Variants in SLC14A2 observed in about 807,000 individuals in gnomAD.
The protein encoded by SLC14A2 is solute carrier family 14 member 2, also known as urea transporter 2.
Under a neutral mutation model 104.6 loss-of-function variants are expected in SLC14A2, and 91 were observed. The observed-to-expected ratio is 0.87, with a 90% CI of 0.73 to 1.04. SLC14A2 has a LOEUF of 1.04. Among genes scored for constraint, SLC14A2 ranks in the 50% least tolerant of loss-of-function variants. The pLI is 0.00. For synonymous variants in SLC14A2, 476 were observed against 466.4 expected (o/e 1.02, Z -0.27); for missense variants, 1,189 against 1,156.0 (o/e 1.03, Z -0.41).
intron 1 of SLC14A2, among the ~76,000 whole-genome samples, chr18:45,346,206 A>C (rs1021132570): frequency 6.6e-6 from 1 of 151,936 alleles, no homozygotes; most frequent in African/African-American, 2.4e-5. Context: ...CCTAGGCTGG[A>C]GTACAGTGGC....
intron 1 of SLC14A2, among the ~76,000 whole-genome samples, chr18:45,300,915 G>A (rs1599656265): frequency 6.6e-6 from 1 of 152,188 alleles, no homozygotes; most frequent in South Asian, 2.1e-4. Context: ...TGATAAAGGA[G>A]GCAGATGTGT....
At chr18:45,482,848 T>C (rs191642676) in intron 1 of SLC14A2, among the ~76,000 whole-genome samples, 2 of 152,320 alleles carry the variant, frequency 1.3e-5, no homozygotes, top group Admixed American at 1.3e-4. Flanking sequence ...AAGGGAATCA[T>C]CTTAGAATGT....
At chr18:45,330,501 T>G (rs1029697786) in intron 1 of SLC14A2, among the ~76,000 whole-genome samples, 1 of 152,188 alleles carries the variant, frequency 6.6e-6, no homozygotes, top group Non-Finnish European at 1.5e-5. Flanking sequence ...GTGATGAACG[T>G]GGAATGTTAG....
intron 1 of SLC14A2, among the ~76,000 whole-genome samples, chr18:45,353,699 C>T (rs751985326): frequency 1.8e-4 from 28 of 152,102 alleles, no homozygotes; most frequent in Non-Finnish European, 3.1e-4. Context: ...ATCCCTAGGG[C>T]TGGTGCGTTT....
rs369994923 is a variant in SLC14A2, at chr18:45,632,484, G to A, written c.650+6G>A. 8 of 1,612,572 alleles carry A rather than the reference G, an allele frequency of 5.0e-6. No individual in the cohort carries two copies. The highest frequency in any genetic ancestry group is 4.0e-5 in the African/African-American group (3 of 74,766). The stretch of plus-strand genomic sequence containing the variant: ...ACCTTCACAGCCATGTCCTGGTGAG[G>A]CACCTCATTTTTTCTGCTCACAGCT... On this transcript the variant is annotated splice_donor_region_variant and intron_variant, in intron 5 of 19. Coordinates refer to ENST00000255226, the MANE Select transcript of SLC14A2 (RefSeq NM_007163.4).
intron 1 of SLC14A2, among the ~76,000 whole-genome samples, chr18:45,266,036 C>A (rs577112069): frequency 6.6e-6 from 1 of 152,152 alleles, no homozygotes; most frequent in Non-Finnish European, 1.5e-5. Flanking sequence ...CAACAAAAAA[C>A]AGGTAAGGAG....
At chr18:45,230,271 T>C (rs980485441) in intron 1 of SLC14A2, among the ~76,000 whole-genome samples, 2 of 152,158 alleles carry the variant, frequency 1.3e-5, no homozygotes, top group Admixed American at 1.3e-4. Context: ...AATGTATTAT[T>C]GTAAAGTCCT....
intron 1 of SLC14A2, among the ~76,000 whole-genome samples, chr18:45,234,846 T>C (rs886330610): frequency 1.3e-5 from 2 of 152,210 alleles, no homozygotes; most frequent in South Asian, 2.1e-4. Flanking sequence ...AGCGCCTTTT[T>C]TTTTCTTTTC....
chr18:45,500,411 A>C (rs1338799508), intron 2 of SLC14A2, among the ~76,000 whole-genome samples: 3 of 152,020 alleles, frequency 2.0e-5, no homozygotes, highest in African/African-American at 7.2e-5. Context: ...CCCCGTCTCT[A>C]CTAAAAATAC....
intron 1 of SLC14A2, among the ~76,000 whole-genome samples, chr18:45,355,577 CAAAA>C (rs768389823): frequency 7.8e-5 from 4 of 51,138 alleles, no homozygotes; most frequent in Admixed American, 5.2e-4. Context: ...TACTCTGTCT[CAAAA>C]AAAAAAAAAA....
intron 2 of SLC14A2, among the ~76,000 whole-genome samples, chr18:45,574,620 A>G (rs956607025): frequency 5.9e-5 from 9 of 152,230 alleles, no homozygotes; most frequent in Admixed American, 1.3e-4. Flanking sequence ...ACAAGTACAT[A>G]TGGAAGCTGA....
chr18:45,272,895 A>C (rs973200314), intron 1 of SLC14A2, among the ~76,000 whole-genome samples: 1 of 152,108 alleles, frequency 6.6e-6, no homozygotes, highest in Non-Finnish European at 1.5e-5. Flanking sequence ...TACTGTGCAC[A>C]CACAAAAATT....
Position 45,583,764 on chromosome 18 carries a change from C to G in SLC14A2, c.-34-40867C>G, listed in dbSNP as rs548894687. Among the ~76,000 whole-genome samples, 10 of 152,224 alleles carry G rather than the reference C, an allele frequency of 6.6e-5. No individual in the cohort carries two copies. The South Asian group carries it at 1.0e-3, about 16-fold the overall frequency. ...CTCTTGAAAAAAAAACAAAAAGCCCCAATTTCCATGGTATAAAAACACCCA... is the reference window on the plus strand; with the variant it reads ...CTCTTGAAAAAAAAACAAAAAGCCCGAATTTCCATGGTATAAAAACACCCA... On this transcript the variant is annotated intron_variant, in intron 2 of 20. Coordinates refer to the SLC14A2 transcript ENST00000586448.
At chr18:45,324,550 C>G (rs1387153638) in intron 1 of SLC14A2, among the ~76,000 whole-genome samples, 1 of 152,090 alleles carries the variant, frequency 6.6e-6, no homozygotes, top group Admixed American at 6.5e-5. Flanking sequence ...CTTCCTCCCC[C>G]TCACCCCACC....
chr18:45,464,326 G>T (rs143914164), intron 1 of SLC14A2, among the ~76,000 whole-genome samples: 4 of 152,268 alleles, frequency 2.6e-5, no homozygotes, highest in African/African-American at 9.6e-5. Context: ...GTCTCTGTCA[G>T]CTCTGAAACC....
At chr18:45,242,000 T>C (rs6507604) in intron 1 of SLC14A2, among the ~76,000 whole-genome samples, 48,157 of 151,958 alleles carry the variant, frequency 0.32, 8,393 homozygotes, top group African/African-American at 0.47. Context: ...AAAACTCTCC[T>C]TTTCCCAACC....
intron 10 of SLC14A2, among the ~76,000 whole-genome samples, chr18:45,658,202 G>A (rs1180846913): frequency 3.3e-5 from 5 of 152,172 alleles, no homozygotes; most frequent in Admixed American, 3.3e-4. Context: ...CTTGATGGTA[G>A]CCTCTCATGC....
At chr18:45,634,810 C>T (rs1005209894) in intron 5 of SLC14A2, 1 of 457,142 alleles carries the variant, frequency 2.2e-6, no homozygotes. Flanking sequence ...AAACAAATCA[C>T]TCTGTTTGCA....
chr18:45,573,675 A>C (rs1368120212), intron 2 of SLC14A2, among the ~76,000 whole-genome samples: 1 of 152,232 alleles, frequency 6.6e-6, no homozygotes. Context: ...CTTACATGGG[A>C]TGTGGCTTGG....
Sources: gnomAD v4.1 joint callset for allele counts (sites outside exome capture counted in the v4.1 genomes callset) on GRCh38, gnomAD v4.1.1 for gene constraint, MANE v1.5 for transcripts, NCBI Gene and HGNC (gene_info 2026-07-23, HGNC 2026-07-21) for gene names.